TEX9: variants seen among roughly 807,000 people sequenced by gnomAD.
TEX9 encodes the protein testis-expressed protein 9.
TEX9 carries 74 observed loss-of-function variants against 59.6 expected under a neutral mutation model. The ratio of observed to expected loss-of-function variants is 1.24; its 90% CI spans 1.03 to 1.51. The LOEUF (loss-of-function observed/expected upper bound fraction) is 1.51. Among genes scored for constraint, TEX9 ranks in the 40% most tolerant of loss-of-function variants. The pLI, the probability that TEX9 is intolerant of heterozygous loss-of-function variation, is 0.00. For missense variants in TEX9, 522 were observed against 447.8 expected, an observed-to-expected ratio of 1.17 and a Z score of -1.49; for synonymous variants, 186 against 152.2, an observed-to-expected ratio of 1.22 and a Z score of -1.64.
At chr15:56,426,626 T>TATATATACATACAC (rs1214988827) in intron 10 of TEX9, among the ~76,000 whole-genome samples, 11 of 47,176 alleles carry the variant, frequency 2.3e-4, no homozygotes, top group Non-Finnish European at 5.0e-4. Context: ...TATATATATA[T>TATATATACATACAC]ACACACACAC....
In TEX9 at chr15:56,443,875, C is replaced by G. The variant is rs576710298; in HGVS notation, c.*30-1796C>G. 14 of 1,529,228 alleles carry G rather than the reference C, an allele frequency of 9.2e-6. No individual in the cohort carries two copies. The African/African-American group carries it at 1.7e-4, about 18-fold the overall frequency. The allele number at this position is 1,529,228 out of a possible 1,614,324, so 94.7% of individuals were successfully genotyped here. A position where few individuals can be genotyped will look rare whatever the true frequency, so the allele number is the denominator to read the frequency against. ...TTTCCCTGAAAAGCAATAACAAGTA[C>G]AGATTTATAGTAAACAATAAAATAT... On this transcript the variant is annotated intron_variant, in intron 12 of 12. Coordinates refer to ENST00000352903, the Ensembl canonical transcript of TEX9.
At chr15:56,458,193 T>C in the TEX9 span, among the ~76,000 whole-genome samples, 12 of 152,354 alleles carry the variant, frequency 7.9e-5, no homozygotes, top group African/African-American at 2.9e-4. Context: ...ATAATTCATA[T>C]AGCATAAAAT....
chr15:56,264,132 A>G (rs1411307522), intron 1 of TEX9, among the ~76,000 whole-genome samples: 1 of 152,218 alleles, frequency 6.6e-6, no homozygotes, highest in Non-Finnish European at 1.5e-5. Flanking sequence ...ATGTAAGTAT[A>G]CATTTAAATT....
chr15:56,443,813 C>G (rs1179970433), intron 12 of TEX9: 4 of 1,607,632 alleles, frequency 2.5e-6, no homozygotes, highest in African/African-American at 2.7e-5. Flanking sequence ...TTCTATATAC[C>G]TTCGCATTGC....
chr15:56,349,786 CAT>C (rs1296049887), intron 1 of TEX9, among the ~76,000 whole-genome samples: 6 of 149,932 alleles, frequency 4.0e-5, no homozygotes, highest in East Asian at 3.9e-4. Flanking sequence ...CTTGTGAGTG[CAT>C]ATATATATGT....
chr15:56,460,009 A>AAAAAAAAAAAAAAAAAAAT, the TEX9 span, among the ~76,000 whole-genome samples: 1 of 26,386 alleles, frequency 3.8e-5, no homozygotes, highest in African/African-American at 1.5e-4. Context: ...AAAAAAAAAA[A>AAAAAAAAAAAAAAAAAAAT]ATACATATAT....
At chr15:56,301,635 A>G (rs2045362347) in intron 1 of TEX9, among the ~76,000 whole-genome samples, 1 of 152,016 alleles carries the variant, frequency 6.6e-6, no homozygotes, top group South Asian at 2.1e-4. Context: ...AGAGAGTGGA[A>G]TGATGTTAAA....
At chr15:56,249,068 C>T (rs557116562) in intron 1 of TEX9, 2 of 152,292 alleles carry the variant, frequency 1.3e-5, no homozygotes, top group Middle Eastern at 3.4e-3. Flanking sequence ...CTAATTGGAA[C>T]ACTACACATG....
intron 10 of TEX9, among the ~76,000 whole-genome samples, chr15:56,416,152 T>A (rs775277858): frequency 6.6e-6 from 1 of 151,934 alleles, no homozygotes; most frequent in Non-Finnish European, 1.5e-5. Flanking sequence ...CTTCTAGATA[T>A]AGAATTACGC....
downstream of TEX9, among the ~76,000 whole-genome samples, chr15:56,448,421 T>C (rs535547591): frequency 6.6e-6 from 1 of 152,304 alleles, no homozygotes; most frequent in South Asian, 2.1e-4. Flanking sequence ...ACAGTGTCTG[T>C]TGTTCCCATA....
At chr15:56,322,579 C>T (rs2725855) in intron 1 of TEX9, among the ~76,000 whole-genome samples, 70,520 of 151,806 alleles carry the variant, frequency 0.46, 18,886 homozygotes, top group Non-Finnish European at 0.6. Flanking sequence ...TGTTGTAGTA[C>T]GTGTAGAAAT....
chr15:56,350,376 T>A (rs2046554226), intron 1 of TEX9, among the ~76,000 whole-genome samples: 1 of 152,174 alleles, frequency 6.6e-6, no homozygotes, highest in Non-Finnish European at 1.5e-5. Context: ...AACAACAAAG[T>A]AGACTGGATT....
At chr15:56,370,229 G>A (rs777711967) in intron 2 of TEX9, among the ~76,000 whole-genome samples, 29 of 152,024 alleles carry the variant, frequency 1.9e-4, no homozygotes, top group Non-Finnish European at 2.9e-4. Flanking sequence ...GTGGAAAGAC[G>A]TTAGAATGCT....
chr15:56,418,225 G>A lies in TEX9; in HGVS notation c.963+5789G>A, dbSNP rs575976475. On this transcript the variant is annotated intron_variant, in intron 10 of 12. Transcript: ENST00000352903. ...GTGGATTTGATCGTGCTGTTGTGCTGTTAGCTGGTTATTAGGTTGACTTGT... is the reference window on the plus strand; with the variant it reads ...GTGGATTTGATCGTGCTGTTGTGCTATTAGCTGGTTATTAGGTTGACTTGT... Among the ~76,000 whole-genome samples the A allele has an allele frequency of 7.2e-5, 11 of 151,922 alleles. 1 individual carries two copies. The highest frequency in any genetic ancestry group is 2.2e-4 in the African/African-American group (9 of 41,226).
chr15:56,339,639 G>A (rs80112896), intron 1 of TEX9, among the ~76,000 whole-genome samples: 2,136 of 152,070 alleles, frequency 0.014, 45 homozygotes, highest in African/African-American at 0.048. Flanking sequence ...AGTTAAGTTC[G>A]AGACATTATG....
Position 56,312,248 on chromosome 15 carries a change from G to A in TEX9, c.-106-61193G>A, listed in dbSNP as rs868486790. 4.5e-3 allele frequency among the ~76,000 whole-genome samples: 640 copies of A among 140,894 alleles called. 17 individuals are homozygous for A. The highest frequency in any genetic ancestry group is 0.016 in the African/African-American group (624 of 38,294). 92.4% of individuals were successfully genotyped at this position (140,894 alleles called of 152,430 possible). A position where few individuals can be genotyped will look rare whatever the true frequency, so the allele number is the denominator to read the frequency against. On this transcript the variant is annotated intron_variant, in intron 1 of 5. Transcript: ENST00000560827. ...CCTATGTCCTGAATGGTAATGCCTA[G>A]GTTTTCTTCTAGGGTTTTTACGGTT...
chr15:56,299,826 A>C (rs940961534), intron 1 of TEX9, among the ~76,000 whole-genome samples: 2 of 152,074 alleles, frequency 1.3e-5, no homozygotes, highest in African/African-American at 4.8e-5. Flanking sequence ...GAAAGGACCC[A>C]GTTCTGGCAG....
downstream of TEX9, among the ~76,000 whole-genome samples, chr15:56,446,399 G>A (rs553212123): frequency 3.3e-5 from 5 of 151,990 alleles, no homozygotes; most frequent in Admixed American, 3.3e-4. Context: ...AGTTAGAAAA[G>A]GGGATAAAAG....
At chr15:56,290,069 C>G (rs571821969) in intron 1 of TEX9, among the ~76,000 whole-genome samples, 1 of 152,054 alleles carries the variant, frequency 6.6e-6, no homozygotes, top group Non-Finnish European at 1.5e-5. Context: ...TGGGCAGACT[C>G]GATACAGCCA....
Sources: allele counts gnomAD v4.1 joint callset (sites outside exome capture counted in the v4.1 genomes callset), GRCh38; gene constraint gnomAD v4.1.1; transcripts MANE v1.5; gene names NCBI Gene and HGNC (gene_info 2026-07-23, HGNC 2026-07-21).